Variants in PRICKLE2 observed in about 807,000 individuals in gnomAD.
The protein encoded by PRICKLE2 is prickle planar cell polarity protein 2, also known as prickle-like protein 2.
A neutral mutation model predicts 81.4 loss-of-function variants in PRICKLE2; 21 were observed. The observed-to-expected ratio is 0.26, with a 90% CI of 0.18 to 0.37. The LOEUF (loss-of-function observed/expected upper bound fraction) is 0.37. PRICKLE2 is among the 10% of genes least tolerant of loss of function. The pLI, the probability that PRICKLE2 is intolerant of heterozygous loss-of-function variation, is 1.00. For synonymous variants in PRICKLE2, 456 were observed against 421.5 expected (o/e 1.08, Z -1.00); for missense variants, 940 against 1,109.0 (o/e 0.85, Z 2.16).
chr3:64,215,991 C>CA (rs1389362956), intron 1 of PRICKLE2, among the ~76,000 whole-genome samples: 7 of 152,226 alleles, frequency 4.6e-5, no homozygotes, highest in African/African-American at 1.2e-4. Context: ...ATGGCCTTGG[C>CA]ATCTGAGACC....
chr3:64,218,135 G>C (rs67388649), intron 1 of PRICKLE2, among the ~76,000 whole-genome samples: 21,034 of 152,142 alleles, frequency 0.14, 1,552 homozygotes, highest in East Asian at 0.22. Context: ...CAAAACCTCA[G>C]TTAACCAGAA....
At chr3:64,109,195 G>A (rs976659383) in intron 7 of PRICKLE2, among the ~76,000 whole-genome samples, 3 of 152,120 alleles carry the variant, frequency 2.0e-5, no homozygotes, top group African/African-American at 7.2e-5. Context: ...AGGATTATCA[G>A]GGCTCTGCCT....
intron 1 of PRICKLE2, among the ~76,000 whole-genome samples, chr3:64,207,701 A>C (rs2078713517): frequency 6.6e-6 from 1 of 152,224 alleles, no homozygotes; most frequent in Admixed American, 6.5e-5. Context: ...TACGGGTATC[A>C]CAGAGTTAAA....
intron 7 of PRICKLE2, among the ~76,000 whole-genome samples, chr3:64,121,541 GAA>G (rs11313134): frequency 1.2e-4 from 18 of 147,784 alleles, no homozygotes; most frequent in East Asian, 5.9e-4. Context: ...TAAGGCAAAA[GAA>G]AAAAAAAAAA....
intron 7 of PRICKLE2, among the ~76,000 whole-genome samples, chr3:64,108,337 C>T (rs1047177669): frequency 2.3e-4 from 35 of 152,128 alleles, no homozygotes; most frequent in African/African-American, 7.7e-4. Context: ...GCATGTGTGG[C>T]GGTAGCTTGA....
intron 2 of PRICKLE2, among the ~76,000 whole-genome samples, chr3:64,267,710 C>T (rs188667094): frequency 6.6e-6 from 1 of 152,330 alleles, no homozygotes; most frequent in East Asian, 1.9e-4. Flanking sequence ...GGCTGACACT[C>T]AGACCCTCAG....
At chr3:64,128,437 G>A (rs1174503491) in intron 7 of PRICKLE2, among the ~76,000 whole-genome samples, 2 of 152,090 alleles carry the variant, frequency 1.3e-5, no homozygotes, top group Non-Finnish European at 2.9e-5. Context: ...AGCAAGGGGA[G>A]GGGCATGGGC....
At chr3:64,172,768 A>G (rs2077955151) in intron 2 of PRICKLE2, among the ~76,000 whole-genome samples, 1 of 152,172 alleles carries the variant, frequency 6.6e-6, no homozygotes, top group Non-Finnish European at 1.5e-5. Context: ...AGGGCCTTTA[A>G]GGAGGTAATT....
chr3:64,258,845 A>AAAAGAAAGAAAGAAAG (rs572884974), intron 2 of PRICKLE2, among the ~76,000 whole-genome samples: 1,140 of 33,928 alleles, frequency 0.034, 33 homozygotes, highest in Middle Eastern at 0.065. Flanking sequence ...AAAAAAAAAA[A>AAAAGAAAGAAAGAAAG]AAAGAAAGAA....
At chr3:64,198,570 C>G (rs1298954368) in intron 2 of PRICKLE2, 3 of 631,202 alleles carry the variant, frequency 4.8e-6, no homozygotes, top group Non-Finnish European at 8.5e-6. Flanking sequence ...TTAATAATGA[C>G]AATACAGAAT....
At chr3:64,122,232 C>T (rs1299670447) in intron 7 of PRICKLE2, among the ~76,000 whole-genome samples, 1 of 152,112 alleles carries the variant, frequency 6.6e-6, no homozygotes, top group Non-Finnish European at 1.5e-5. Context: ...GAAACCTAAA[C>T]CCAAGATTTG....
At chr3:64,222,211 G>T (rs568080299) in intron 1 of PRICKLE2, among the ~76,000 whole-genome samples, 2 of 152,102 alleles carry the variant, frequency 1.3e-5, no homozygotes, top group African/African-American at 4.8e-5. Flanking sequence ...GAGAGGTCAG[G>T]CAACTCTCCT....
chr3:64,217,806 G>C (rs768733570), intron 1 of PRICKLE2, among the ~76,000 whole-genome samples: 3 of 152,182 alleles, frequency 2.0e-5, no homozygotes. Flanking sequence ...GGTGATACAG[G>C]TGCCACATAT....
At chr3:64,140,299 T>C (rs1025781103) in intron 7 of PRICKLE2, among the ~76,000 whole-genome samples, 2 of 152,212 alleles carry the variant, frequency 1.3e-5, no homozygotes, top group Admixed American at 1.3e-4. Context: ...GCCCATGCTC[T>C]CATACTATTC....
intron 5 of PRICKLE2, among the ~76,000 whole-genome samples, chr3:64,156,756 A>T (rs2077641604): frequency 6.6e-6 from 1 of 152,212 alleles, no homozygotes; most frequent in African/African-American, 2.4e-5. Context: ...TGCAGCAGTG[A>T]ATCTTGGAAA....
chr3:64,126,961 T>C (rs545337559), intron 7 of PRICKLE2, among the ~76,000 whole-genome samples: 2 of 152,300 alleles, frequency 1.3e-5, no homozygotes, highest in Admixed American at 1.3e-4. Context: ...AGTTCGTGAA[T>C]GCCCACTCAT....
rs2078191031 is a variant in PRICKLE2, at chr3:64,184,680, C to A, written c.144+14104G>T. Among the ~76,000 whole-genome samples the A allele has an allele frequency of 2.0e-5, 3 of 152,226 alleles. No individual in the cohort carries two copies. The South Asian group carries it at 6.2e-4, about 32-fold the overall frequency. On this transcript the variant is annotated intron_variant, in intron 2 of 7. Transcript: ENST00000638394. ...TGAGATGGAATCTCGCTATGCTGCCCAGGCTGGTTTCAAACTCCTAGACTC... is the reference window on the plus strand; with the variant it reads ...TGAGATGGAATCTCGCTATGCTGCCAAGGCTGGTTTCAAACTCCTAGACTC...
chr3:64,136,373 C>A (rs553823910), intron 7 of PRICKLE2, among the ~76,000 whole-genome samples: 4 of 150,750 alleles, frequency 2.7e-5, no homozygotes, highest in African/African-American at 9.8e-5. Flanking sequence ...GGTGTGTGTT[C>A]GAAATGCTGA....
intron 7 of PRICKLE2, among the ~76,000 whole-genome samples, chr3:64,140,223 G>A (rs1032979280): frequency 5.3e-5 from 8 of 152,216 alleles, no homozygotes; most frequent in South Asian, 2.1e-4. Flanking sequence ...AGATAAATCC[G>A]TTGCCCAAGG....
Sources: allele counts gnomAD v4.1 joint callset (sites outside exome capture counted in the v4.1 genomes callset), GRCh38; gene constraint gnomAD v4.1.1; transcripts MANE v1.5; gene names NCBI Gene and HGNC (gene_info 2026-07-23, HGNC 2026-07-21).